CAST: variants seen among roughly 807,000 people sequenced by gnomAD.
CAST encodes MIR583 host.
Under a neutral mutation model 119.6 loss-of-function variants are expected in CAST, and 76 were observed. The ratio of observed to expected loss-of-function variants is 0.64; its 90% CI spans 0.53 to 0.77. The LOEUF (loss-of-function observed/expected upper bound fraction) is 0.77. Among genes scored for constraint, CAST ranks in the 30% least tolerant of loss-of-function variants. The pLI is 0.00. For missense variants in CAST, 953 were observed against 946.5 expected (o/e 1.01, Z -0.09); for synonymous variants, 319 against 331.6 (o/e 0.96, Z 0.41).
chr5:96,186,018 G>C, the CAST span, among the ~76,000 whole-genome samples: 7 of 152,012 alleles, frequency 4.6e-5, no homozygotes, highest in Non-Finnish European at 8.8e-5. Flanking sequence ...TGTCCTGTCT[G>C]ATTTCTTTGT....
intron 19 of CAST, 190 bp downstream of exon 19, chr5:96,748,803 G>T (rs1412925472): frequency 4.0e-6 from 2 of 500,790 alleles, no homozygotes; most frequent in East Asian, 6.8e-5. Context: ...TCTTGCAATT[G>T]AAGTCCTGCA....
intron 1 of CAST, among the ~76,000 whole-genome samples, chr5:96,606,106 G>A (rs1747248004): frequency 6.6e-6 from 1 of 151,948 alleles, no homozygotes; most frequent in Non-Finnish European, 1.5e-5. Context: ...AGTCACACAG[G>A]TACCCACAAA....
chr5:96,522,306 A>G (rs993921097), upstream of CAST, among the ~76,000 whole-genome samples: 1 of 152,152 alleles, frequency 6.6e-6, no homozygotes, highest in Non-Finnish European at 1.5e-5. Context: ...TTACTTTTAC[A>G]ATGTAGAAAA....
the CAST span, among the ~76,000 whole-genome samples, chr5:96,254,030 T>C: frequency 3.9e-3 from 433 of 112,382 alleles, 17 homozygotes; most frequent in East Asian, 0.073. Context: ...TGGGGTGGGA[T>C]GGGGTGGGTT....
At chr5:96,221,312 A>G in the CAST span, among the ~76,000 whole-genome samples, 1 of 152,160 alleles carries the variant, frequency 6.6e-6, no homozygotes, top group Non-Finnish European at 1.5e-5. Context: ...GAATTGGAAA[A>G]GAGGAAGTAA....
At chr5:96,108,807 G>C in the CAST span, among the ~76,000 whole-genome samples, 1 of 152,260 alleles carries the variant, frequency 6.6e-6, no homozygotes, top group South Asian at 2.1e-4. Flanking sequence ...GCAATGGCAG[G>C]CGCCCCTCCC....
chr5:96,167,713 G>A, the CAST span, among the ~76,000 whole-genome samples: 1 of 152,194 alleles, frequency 6.6e-6, no homozygotes, highest in African/African-American at 2.4e-5. Flanking sequence ...CTGACAGAAG[G>A]GAAGAAATGA....
chr5:96,426,578 C>T, the CAST span, among the ~76,000 whole-genome samples: 217 of 152,230 alleles, frequency 1.4e-3, no homozygotes, highest in African/African-American at 5.1e-3. Flanking sequence ...TCTGACAATA[C>T]GAAAATTACC....
chr5:96,120,897 A>C, the CAST span, among the ~76,000 whole-genome samples: 1 of 151,736 alleles, frequency 6.6e-6, no homozygotes, highest in Non-Finnish European at 1.5e-5. Flanking sequence ...CTTTTTCTCC[A>C]GATAGCCATT....
At chr5:96,714,529 T>G (rs1756851765) in intron 3 of CAST, 1 of 152,216 alleles carries the variant, frequency 6.6e-6, no homozygotes, top group Non-Finnish European at 1.5e-5. Flanking sequence ...AATTGTTTGA[T>G]TCACAGGCTT....
At chr5:96,076,040 G>A in the CAST span, among the ~76,000 whole-genome samples, 1 of 152,148 alleles carries the variant, frequency 6.6e-6, no homozygotes, top group Non-Finnish European at 1.5e-5. Flanking sequence ...TTCAGCTCTA[G>A]AGTGAATGTC....
the CAST span, among the ~76,000 whole-genome samples, chr5:96,367,929 G>A: frequency 3.3e-5 from 5 of 152,020 alleles, no homozygotes; most frequent in Non-Finnish European, 7.4e-5. Context: ...GCTGAGAGCT[G>A]TAGAGTGGGG....
At chr5:96,359,785 C>G in the CAST span, among the ~76,000 whole-genome samples, 1 of 152,080 alleles carries the variant, frequency 6.6e-6, no homozygotes, top group African/African-American at 2.4e-5. Flanking sequence ...TCATTTCCAC[C>G]TTTGTGAATC....
At chr5:96,711,587 TGAG>T (rs1422144664) in intron 3 of CAST, among the ~76,000 whole-genome samples, 1 of 152,228 alleles carries the variant, frequency 6.6e-6, no homozygotes, top group South Asian at 2.1e-4. Context: ...GTTTTATAAA[TGAG>T]GAGACTGAGG....
At chr5:96,433,359 C>T in the CAST span, 1 of 406,728 alleles carries the variant, frequency 2.5e-6, no homozygotes, top group South Asian at 2.3e-5. Flanking sequence ...ATGGTATTCC[C>T]GGCGGGGCGG....
the CAST span, among the ~76,000 whole-genome samples, chr5:96,164,224 ATG>A: frequency 6.6e-6 from 1 of 152,238 alleles, no homozygotes; most frequent in Non-Finnish European, 1.5e-5. Context: ...TATACAAGGT[ATG>A]TTGTACGTAA....
the CAST span, among the ~76,000 whole-genome samples, chr5:96,070,685 A>G: frequency 6.6e-6 from 1 of 151,908 alleles, no homozygotes; most frequent in African/African-American, 2.4e-5. Context: ...AATTGAAGAT[A>G]TCTGCAGCAC....
At chr5:96,185,261 T>C in the CAST span, among the ~76,000 whole-genome samples, 23 of 152,356 alleles carry the variant, frequency 1.5e-4, no homozygotes, top group African/African-American at 5.5e-4. Flanking sequence ...CTTCGTCAGA[T>C]GAATACATTG....
the CAST span, among the ~76,000 whole-genome samples, chr5:95,966,130 T>C: frequency 6.6e-6 from 1 of 152,132 alleles, no homozygotes; most frequent in East Asian, 1.9e-4. Context: ...GAGCGCAACC[T>C]AGATAGAAGG....
Sources: gnomAD v4.1 joint callset for allele counts (sites outside exome capture counted in the v4.1 genomes callset) on GRCh38, gnomAD v4.1.1 for gene constraint, MANE v1.5 for transcripts, NCBI Gene and HGNC (gene_info 2026-07-23, HGNC 2026-07-21) for gene names.